The following YBX1 variants were observed in gnomAD, a reference collection of about 807,000 sequenced individuals.
YBX1 encodes the protein Y-box binding protein 1, also known as Y-box-binding protein 1.
A neutral mutation model predicts 41.4 loss-of-function variants in YBX1; 3 were observed. The ratio of observed to expected loss-of-function variants is 0.07; its 90% CI spans 0.03 to 0.19. YBX1 has a LOEUF of 0.19. Ranked by LOEUF, YBX1 falls within the 10% of genes least tolerant of loss-of-function variation. YBX1 has a pLI of 1.00. For missense variants in YBX1, 274 were observed against 462.8 expected (o/e 0.59, Z 3.74); for synonymous variants, 133 against 165.8 (o/e 0.80, Z 1.52).
chr1:42,699,383 G>A (rs1238805032), intron 6 of YBX1, among the ~76,000 whole-genome samples: 2 of 152,134 alleles, frequency 1.3e-5, no homozygotes, highest in African/African-American at 4.8e-5. Context: ...ATAGGATAAC[G>A]ATCATAAATT....
At chr1:42,694,777 A>G (rs943726673) in intron 3 of YBX1, among the ~76,000 whole-genome samples, 1 of 152,236 alleles carries the variant, frequency 6.6e-6, no homozygotes, top group Non-Finnish European at 1.5e-5. Flanking sequence ...TAGATGTTTT[A>G]TAAAATTGGT....
intron 2 of YBX1, among the ~76,000 whole-genome samples, chr1:42,685,611 G>A (rs953036055): frequency 1.3e-5 from 2 of 152,232 alleles, no homozygotes; most frequent in African/African-American, 4.8e-5. Flanking sequence ...ATGAGGGAGG[G>A]AGACAGACTG....
intron 2 of YBX1, among the ~76,000 whole-genome samples, chr1:42,688,878 C>T (rs926221275): frequency 1.8e-4 from 27 of 152,164 alleles, no homozygotes; most frequent in African/African-American, 6.5e-4. Context: ...TTAGCATTTT[C>T]TTTTCTGTAG....
At chr1:42,698,527 T>C (rs555334270) in intron 6 of YBX1, among the ~76,000 whole-genome samples, 1 of 152,368 alleles carries the variant, frequency 6.6e-6, no homozygotes, top group South Asian at 2.1e-4. Flanking sequence ...GCAGAATCTT[T>C]GGTTTACCTT....
At chr1:42,682,848 C>A in intron 1 of YBX1, 117 bp downstream of exon 1, 2 of 543,458 alleles carry the variant, frequency 3.7e-6, no homozygotes, top group Non-Finnish European at 5.2e-6. Flanking sequence ...CCGCGGCGCG[C>A]GGCCGCCCAT....
At chr1:42,686,939 A>G (rs3862218) in intron 2 of YBX1, among the ~76,000 whole-genome samples, 45,167 of 151,960 alleles carry the variant, frequency 0.3, 6,886 homozygotes, top group Non-Finnish European at 0.32. Context: ...GACCCTAGCC[A>G]TTTTCAATTT....
chr1:42,683,699 G>T (rs1184391612), intron 2 of YBX1, among the ~76,000 whole-genome samples: 4 of 152,186 alleles, frequency 2.6e-5, no homozygotes, highest in Admixed American at 6.5e-5. Context: ...AACTTAAAAG[G>T]CTTCGTCACA....
intron 7 of YBX1, 56 bp downstream of exon 7, chr1:42,701,102 G>T: frequency 7.5e-7 from 1 of 1,338,466 alleles, no homozygotes; most frequent in Non-Finnish European, 1.0e-6. Context: ...TGACCATTTC[G>T]TTTTATTAAT....
rs998045805 is a variant in YBX1 at position 42,682,604 on chromosome 1, C to T, written c.39C>T (p.Ala13=). The change falls in exon 1 of 8, where the codon GCC becomes GCT. Residue 13 remains alanine (A), a synonymous_variant. Coordinates refer to ENST00000321358, the MANE Select transcript of YBX1 (RefSeq NM_004559.5). The stretch of plus-strand genomic sequence containing the variant: ...CCGAGACCCAGCAGCCGCCCGCCGC[C>T]CCCCCCGCCGCCCCCGCCCTCAGCG... ...SEAETQQPPA[A]PPAAPALSAA... The T allele has an allele frequency of 4.8e-6, 7 of 1,445,938 alleles. No individual in the cohort carries two copies. Among genetic ancestry groups the T allele is most frequent in the African/African-American group, 3.0e-5 (2 of 67,368 alleles). The allele number at this position is 1,445,938 out of a possible 1,614,324, so 89.6% of individuals were successfully genotyped here. A position where few individuals can be genotyped will look rare whatever the true frequency, so the allele number is the denominator to read the frequency against.
Position 42,696,129 on chromosome 1 carries a change from TG to T in YBX1, c.265-68del. On this transcript the variant is annotated intron_variant, in intron 3 of 7. Transcript: ENST00000321358. The surrounding 1 kb of genome is among the most constrained non-coding windows in gnomAD (Gnocchi z 5.7). ...ATCCAAGCTAAAATAATATTGACTC[TG>T]GTACATTTTAAATGAAAAAGCACAT... 1 of 1,318,288 alleles carries T rather than the reference TG, an allele frequency of 7.6e-7. No individual in the cohort carries two copies. The highest frequency in any genetic ancestry group is 1.1e-6 in the Non-Finnish European group (1 of 944,474). The allele number at this position is 1,318,288 out of a possible 1,614,324, so 81.7% of individuals were successfully genotyped here.
chr1:42,698,035 C>G (rs901079552), intron 6 of YBX1, among the ~76,000 whole-genome samples: 2 of 152,162 alleles, frequency 1.3e-5, no homozygotes, highest in Non-Finnish European at 2.9e-5. Flanking sequence ...ACAGTAATAA[C>G]GCATCTTAAC....
At chr1:42,685,040 C>T (rs1284083331) in intron 2 of YBX1, among the ~76,000 whole-genome samples, 1 of 152,180 alleles carries the variant, frequency 6.6e-6, no homozygotes, top group Non-Finnish European at 1.5e-5. Flanking sequence ...TAACCCTTGA[C>T]CCAATGTAAT....
At chr1:42,700,639 T>A in intron 6 of YBX1, 142 bp from the exon 7 acceptor site, 4 of 170,806 alleles carry the variant, frequency 2.3e-5, no homozygotes, top group African/African-American at 3.4e-5. Flanking sequence ...AAAACCCATC[T>A]CTTTACACAA....
chr1:42,699,198 T>C (rs1650536016), intron 6 of YBX1, among the ~76,000 whole-genome samples: 2 of 152,156 alleles, frequency 1.3e-5, no homozygotes, highest in Non-Finnish European at 2.9e-5. Context: ...GACCTTTTGT[T>C]AGGAACCTGC....
At chr1:42,697,141 TACTG>T (rs1429940561) in intron 5 of YBX1, 35 bp from the exon 6 acceptor site, 1 of 1,594,582 alleles carries the variant, frequency 6.3e-7, no homozygotes, top group Non-Finnish European at 8.5e-7. Context: ...TTTATTATAT[TACTG>T]ACCCAGTAGG....
In YBX1 at chr1:42,694,003, A is replaced by T. The variant is rs151073538; in HGVS notation, c.264+480A>T. ...AAGTAGCATAAAGAGCCTTCTGCTT[A>T]CTTTAAATCACTTTGAATGGGTATT... is the stretch of plus-strand genomic sequence containing the variant. On this transcript the variant is annotated intron_variant, in intron 3 of 7. Transcript: ENST00000321358. Among the ~76,000 whole-genome samples, 33 of 152,176 alleles carry T rather than the reference A, an allele frequency of 2.2e-4. 1 individual carries two copies. Among genetic ancestry groups the T allele is most frequent in the Admixed American group, 3.9e-4 (6 of 15,284 alleles).
Position 42,683,434 on chromosome 1 carries a change from C to T in YBX1, c.198C>T (p.Phe66=), listed in dbSNP as rs1202284157. The T allele has an allele frequency of 6.2e-7, 1 of 1,613,994 alleles. No homozygotes were observed. The highest frequency in any genetic ancestry group is 8.5e-7 in the Non-Finnish European group (1 of 1,180,038). Residue 66 remains phenylalanine, a synonymous_variant, in exon 2 of 8, where the codon TTC becomes TTT. Coordinates refer to ENST00000321358, the MANE Select transcript of YBX1 (RefSeq NM_004559.5). ...ATKVLGTVKW[F]NVRNGYGFIN... is the part of the protein sequence containing the mutation. Reference sequence around the variant, plus strand: ...AGGTTTTGGGAACAGTAAAATGGTTCAATGTAAGGAACGGATATGGTTTCA... The same window carrying T: ...AGGTTTTGGGAACAGTAAAATGGTTTAATGTAAGGAACGGATATGGTTTCA...
chr1:42,690,854 C>T (rs999673360), intron 2 of YBX1, among the ~76,000 whole-genome samples: 2 of 152,150 alleles, frequency 1.3e-5, no homozygotes, highest in Non-Finnish European at 1.5e-5. Flanking sequence ...ATTTCTACAT[C>T]TTGAAGACAT....
chr1:42,698,471 A>G (rs957121745), intron 6 of YBX1, among the ~76,000 whole-genome samples: 5 of 152,226 alleles, frequency 3.3e-5, no homozygotes, highest in Non-Finnish European at 7.3e-5. Flanking sequence ...TAGGTCTAAA[A>G]TAGCCTCTCA....
Sources: allele counts gnomAD v4.1 joint callset (sites outside exome capture counted in the v4.1 genomes callset), GRCh38; gene constraint gnomAD v4.1.1; non-coding constraint Gnocchi (gnomAD v3.1); transcripts MANE v1.5; gene names NCBI Gene and HGNC (gene_info 2026-07-23, HGNC 2026-07-21).